GPHN: variants seen among roughly 807,000 people sequenced by gnomAD.
The protein encoded by GPHN is gephyrin.
GPHN carries 17 observed loss-of-function variants against 95.5 expected under a neutral mutation model. That is an observed-to-expected ratio of 0.18 (90% CI 0.12 to 0.27). The LOEUF is 0.27. GPHN is among the 10% of genes least tolerant of loss of function. The pLI is 1.00. For missense variants in GPHN, 660 were observed against 978.1 expected, an observed-to-expected ratio of 0.67 and a Z score of 4.34; for synonymous variants, 320 against 322.5, an observed-to-expected ratio of 0.99 and a Z score of 0.08.
the GPHN span, among the ~76,000 whole-genome samples, chr14:67,627,277 A>ATATATATC: frequency 1.3e-5 from 2 of 148,814 alleles, no homozygotes; most frequent in Admixed American, 6.7e-5. Context: ...ATATATATAT[A>ATATATATC]TATATCTGAA....
At chr14:66,823,334 A>G (rs2061272584) in intron 3 of GPHN, 1 of 152,182 alleles carries the variant, frequency 6.6e-6, no homozygotes, top group Non-Finnish European at 1.5e-5. Flanking sequence ...ATAGAGAGCT[A>G]TTTATAAGAG....
the GPHN span, among the ~76,000 whole-genome samples, chr14:67,235,585 G>A: frequency 6.6e-6 from 1 of 151,990 alleles, no homozygotes; most frequent in Non-Finnish European, 1.5e-5. Flanking sequence ...CTTGGTGGCA[G>A]GCACCTGTAG....
chr14:67,411,982 AC>A, the GPHN span: 1 of 1,519,422 alleles, frequency 6.6e-7, no homozygotes, highest in Non-Finnish European at 8.8e-7. Context: ...GCGGGGCCCC[AC>A]CCGGGCAATG....
chr14:67,198,419 G>A, the GPHN span: 38 of 1,152,744 alleles, frequency 3.3e-5, no homozygotes, highest in African/African-American at 4.6e-5. Context: ...TAAATGTGCC[G>A]AGGGAATGTG....
chr14:67,102,644 G>A (rs1595144543), intron 13 of GPHN, among the ~76,000 whole-genome samples: 1 of 151,868 alleles, frequency 6.6e-6, no homozygotes, highest in East Asian at 1.9e-4. Context: ...TGGGCAACAA[G>A]AGCAAAACTC....
rs533981734 is a variant in GPHN, at chr14:66,928,114, T to G, written c.828+3822T>G. Among the ~76,000 whole-genome samples, 3 of 152,298 alleles carry G rather than the reference T, an allele frequency of 2.0e-5. No homozygotes were observed. The South Asian group carries it at 6.2e-4, about 32-fold the overall frequency. On this transcript the variant is annotated intron_variant, in intron 8 of 22. Transcript: ENST00000478722. ...CAGAATAGTTTGAGTAGGATTGGTA[T>G]CGGTTCTTCTTTAAATATTTTGTAG...
At chr14:67,174,389 G>A (rs1000579739) in intron 21 of GPHN, among the ~76,000 whole-genome samples, 1 of 152,136 alleles carries the variant, frequency 6.6e-6, no homozygotes, top group African/African-American at 2.4e-5. Flanking sequence ...CTTAATCCAT[G>A]TCCATGCAAA....
intron 5 of GPHN, among the ~76,000 whole-genome samples, chr14:66,909,283 T>C (rs972844324): frequency 5.9e-5 from 9 of 152,246 alleles, no homozygotes; most frequent in Admixed American, 3.3e-4. Context: ...TTTAAATTGT[T>C]CCTGAGTGTA....
At chr14:66,554,073 A>G (rs375708694) in intron 1 of GPHN, among the ~76,000 whole-genome samples, 37 of 152,332 alleles carry the variant, frequency 2.4e-4, no homozygotes, top group African/African-American at 8.4e-4. Flanking sequence ...AATTTAATAT[A>G]AATTAACAAT....
chr14:67,338,695 T>G, the GPHN span: 4 of 1,613,938 alleles, frequency 2.5e-6, no homozygotes, highest in Non-Finnish European at 3.4e-6. Context: ...CCAGCTGCTC[T>G]CCTTTGCTCC....
intron 1 of GPHN, among the ~76,000 whole-genome samples, chr14:66,518,094 C>CAAATAAATAAATAAAT (rs144895971): frequency 1.1e-4 from 16 of 143,846 alleles, no homozygotes; most frequent in African/African-American, 2.9e-4. Flanking sequence ...TCTTAACAGC[C>CAAATAAATAAATAAAT]AAATAAATAA....
chr14:66,728,409 G>A (rs1189725746), intron 2 of GPHN, among the ~76,000 whole-genome samples: 1 of 152,126 alleles, frequency 6.6e-6, no homozygotes, highest in Non-Finnish European at 1.5e-5. Context: ...AGCTTATACT[G>A]TGCACCTGGA....
At chr14:66,543,521 T>C (rs2059425892) in intron 1 of GPHN, among the ~76,000 whole-genome samples, 1 of 152,228 alleles carries the variant, frequency 6.6e-6, no homozygotes, top group Non-Finnish European at 1.5e-5. Flanking sequence ...AAGAAACTAT[T>C]CCTGAATTGT....
chr14:67,726,189 C>T, the GPHN span: 1 of 1,199,526 alleles, frequency 8.3e-7, no homozygotes, highest in Non-Finnish European at 1.2e-6. Context: ...AAATGAGGTA[C>T]ACCCACTATC....
chr14:66,882,766 A>T (rs967615445), intron 5 of GPHN, among the ~76,000 whole-genome samples: 1 of 151,428 alleles, frequency 6.6e-6, no homozygotes, highest in Non-Finnish European at 1.5e-5. Context: ...GCTTTTCTTC[A>T]TTAGGAAATG....
At chr14:67,098,407 G>C (rs2077507138) in intron 12 of GPHN, among the ~76,000 whole-genome samples, 1 of 152,130 alleles carries the variant, frequency 6.6e-6, no homozygotes, top group East Asian at 1.9e-4. Flanking sequence ...GAGAGGTTTA[G>C]TAATTTTGCT....
chr14:67,525,681 A>G, the GPHN span, among the ~76,000 whole-genome samples: 1 of 152,244 alleles, frequency 6.6e-6, no homozygotes, highest in Non-Finnish European at 1.5e-5. Flanking sequence ...TCTGATGTAC[A>G]TTACTGCATA....
chr14:66,639,245 C>G (rs1485046182), intron 1 of GPHN, among the ~76,000 whole-genome samples: 1 of 151,576 alleles, frequency 6.6e-6, no homozygotes, highest in Non-Finnish European at 1.5e-5. Context: ...AATTATCGAA[C>G]AAAGAAGATG....
intron 2 of GPHN, among the ~76,000 whole-genome samples, chr14:66,683,051 A>C (rs2067038338): frequency 6.6e-6 from 1 of 151,686 alleles, no homozygotes; most frequent in Admixed American, 6.6e-5. Flanking sequence ...TGGAAGGACA[A>C]AATAATTCTC....
Sources: gnomAD v4.1 joint callset for allele counts (sites outside exome capture counted in the v4.1 genomes callset) on GRCh38, gnomAD v4.1.1 for gene constraint, MANE v1.5 for transcripts, NCBI Gene and HGNC (gene_info 2026-07-23, HGNC 2026-07-21) for gene names.